The following SMC5 variants were observed in gnomAD, a reference collection of about 807,000 sequenced individuals.
SMC5 encodes structural maintenance of chromosomes 5.
Under a neutral mutation model 148.3 loss-of-function variants are expected in SMC5, and 88 were observed. The observed-to-expected ratio is 0.59, with a 90% CI of 0.50 to 0.71. The LOEUF (loss-of-function observed/expected upper bound fraction) is 0.71, where lower values mean the gene tolerates loss of function less well. Ranked by LOEUF, SMC5 falls within the 30% of genes least tolerant of loss-of-function variation. The probability of loss-of-function intolerance (pLI) is 0.00; values close to 1 mark genes in which losing one functional copy is unlikely to be tolerated. For synonymous variants in SMC5, 421 were observed against 432.8 expected (o/e 0.97, Z 0.34); for missense variants, 1,142 against 1,298.9 (o/e 0.88, Z 1.86).
chr9:70,311,526 C>T (rs1432492114), intron 11 of SMC5: 4 of 151,978 alleles, frequency 2.6e-5, no homozygotes, highest in Admixed American at 6.6e-5. Context: ...GAGATGAGCA[C>T]AAGCTATTGG....
chr9:70,318,224 A>C (rs2035856681), intron 13 of SMC5, among the ~76,000 whole-genome samples: 1 of 152,104 alleles, frequency 6.6e-6, no homozygotes, highest in Non-Finnish European at 1.5e-5. Flanking sequence ...CCATCTCTAC[A>C]AAAATTTTTT....
intron 2 of SMC5, among the ~76,000 whole-genome samples, chr9:70,265,129 AAGG>A (rs778330854): frequency 5.3e-5 from 8 of 152,186 alleles, no homozygotes; most frequent in South Asian, 4.1e-4. Context: ...AGTCTTGAGA[AAGG>A]AGGAGGAGGA....
chr9:70,336,870 T>C (rs956491996), intron 17 of SMC5, among the ~76,000 whole-genome samples: 4 of 152,136 alleles, frequency 2.6e-5, no homozygotes, highest in South Asian at 2.1e-4. Context: ...TACCCGAGAC[T>C]GGGCAGTTTA....
chr9:70,319,687 C>T (rs1441014931), intron 15 of SMC5, among the ~76,000 whole-genome samples: 1 of 152,168 alleles, frequency 6.6e-6, no homozygotes, highest in African/African-American at 2.4e-5. Context: ...TATCAGTGAA[C>T]TTGTGTACTC....
At chr9:70,271,498 T>G (rs1050712023) in intron 3 of SMC5, among the ~76,000 whole-genome samples, 7 of 152,336 alleles carry the variant, frequency 4.6e-5, no homozygotes, top group Admixed American at 3.9e-4. Context: ...TGGCATGTAT[T>G]TATGTAGTCA....
At chr9:70,350,723 T>C (rs7866915) in intron 24 of SMC5, among the ~76,000 whole-genome samples, 98,750 of 152,066 alleles carry the variant, frequency 0.65, 32,605 homozygotes, top group Admixed American at 0.71. Flanking sequence ...GAAAAGGTAC[T>C]CTTTCAGCAC....
At chr9:70,341,750 A>C (rs889768335) in intron 17 of SMC5, among the ~76,000 whole-genome samples, 2 of 152,184 alleles carry the variant, frequency 1.3e-5, no homozygotes, top group Non-Finnish European at 2.9e-5. Flanking sequence ...CAAGTGCTGG[A>C]GAGGATGTGG....
intron 17 of SMC5, among the ~76,000 whole-genome samples, chr9:70,324,460 G>A (rs2036027066): frequency 6.6e-6 from 1 of 152,106 alleles, no homozygotes; most frequent in Non-Finnish European, 1.5e-5. Context: ...TAGTGGCAGT[G>A]GCATAGTTTT....
intron 2 of SMC5, 92 bp from the exon 3 acceptor site, chr9:70,267,831 C>A: frequency 8.4e-7 from 1 of 1,193,072 alleles, no homozygotes; most frequent in Non-Finnish European, 1.2e-6. Flanking sequence ...TGAAAAAAAT[C>A]TTGATTTGAC....
At chr9:70,329,213 A>G (rs186576996) in intron 17 of SMC5, among the ~76,000 whole-genome samples, 1 of 152,362 alleles carries the variant, frequency 6.6e-6, no homozygotes, top group Non-Finnish European at 1.5e-5. Context: ...AAGTTTCTGC[A>G]GCCTTGAATT....
chr9:70,274,439 C>T (rs1254794875), intron 3 of SMC5, among the ~76,000 whole-genome samples: 1 of 150,868 alleles, frequency 6.6e-6, no homozygotes, highest in African/African-American at 2.4e-5. Flanking sequence ...CCTTAAAGTC[C>T]GTTTAGTTTG....
intron 18 of SMC5, among the ~76,000 whole-genome samples, chr9:70,345,021 A>C (rs1329004417): frequency 6.6e-6 from 1 of 152,204 alleles, no homozygotes; most frequent in East Asian, 1.9e-4. Flanking sequence ...ATGATATCAG[A>C]CACAGAAATC....
intron 3 of SMC5, among the ~76,000 whole-genome samples, chr9:70,276,338 A>G (rs1465456756): frequency 6.6e-6 from 1 of 152,192 alleles, no homozygotes; most frequent in Non-Finnish European, 1.5e-5. Context: ...ATGAAAGCCA[A>G]TTTTATTTTT....
At chr9:70,277,575 A>G (rs933671020) in intron 4 of SMC5, 103 bp downstream of exon 4, 2 of 870,762 alleles carry the variant, frequency 2.3e-6, no homozygotes, top group Non-Finnish European at 1.6e-6. Flanking sequence ...AATTGAACAT[A>G]GCACTCTTAC....
chr9:70,348,050 T>C lies in SMC5; in HGVS notation c.2889+12T>C. 1 of 1,550,942 alleles carries C rather than the reference T, an allele frequency of 6.4e-7. No individual in the cohort carries two copies. Among genetic ancestry groups the C allele is most frequent in the South Asian group, 1.3e-5 (1 of 79,482 alleles). ...ATACAGAAAATGAGGTAAAATTGCA[T>C]TTGAAATAAATAATATTTCTGGCAA... On this transcript the variant is annotated intron_variant, in intron 22 of 24. Transcript: ENST00000361138.
At chr9:70,270,140 C>T (rs1270644373) in intron 3 of SMC5, among the ~76,000 whole-genome samples, 1 of 152,162 alleles carries the variant, frequency 6.6e-6, no homozygotes, top group Non-Finnish European at 1.5e-5. Flanking sequence ...AGGTTGTGCC[C>T]TGTACTTCTG....
At chr9:70,290,240 T>C (rs1227114259) in intron 8 of SMC5, among the ~76,000 whole-genome samples, 3 of 152,220 alleles carry the variant, frequency 2.0e-5, no homozygotes, top group Non-Finnish European at 2.9e-5. Context: ...TAAAGAGTTC[T>C]CTTTTGACTA....
chr9:70,344,294 T>C, intron 18 of SMC5, 25 bp downstream of exon 18: 3 of 1,388,418 alleles, frequency 2.2e-6, no homozygotes, highest in Non-Finnish European at 2.8e-6. Flanking sequence ...TATATAATGC[T>C]ACAATTGCCA....
intron 1 of SMC5, among the ~76,000 whole-genome samples, chr9:70,259,523 G>A (rs564565684): frequency 1.3e-5 from 2 of 152,336 alleles, no homozygotes; most frequent in South Asian, 2.1e-4. Context: ...CATGTAGCAG[G>A]TAGTGGTTGT....
Sources: allele counts gnomAD v4.1 joint callset (sites outside exome capture counted in the v4.1 genomes callset), GRCh38; gene constraint gnomAD v4.1.1; transcripts MANE v1.5; gene names NCBI Gene and HGNC (gene_info 2026-07-23, HGNC 2026-07-21).